The following MRAP2 variants were observed in gnomAD, a reference collection of about 807,000 sequenced individuals.
The protein encoded by MRAP2 is melanocortin 2 receptor accessory protein 2, also known as melanocortin-2 receptor accessory protein 2.
In MRAP2, 20 loss-of-function variants were observed where a neutral mutation model predicts 17.4. The ratio of observed to expected loss-of-function variants is 1.15; its 90% confidence interval spans 0.81 to 1.67. MRAP2 has a LOEUF of 1.67. MRAP2 is among the 40% of genes most tolerant of loss of function. The probability of loss-of-function intolerance (pLI) is 0.00; values close to 1 mark genes in which losing one functional copy is unlikely to be tolerated. For missense variants in MRAP2, 238 were observed against 240.0 expected (o/e 0.99, Z 0.05); for synonymous variants, 96 against 88.4 (o/e 1.09, Z -0.48).
At chr6:84,067,345 T>G (rs1244273810) in intron 3 of MRAP2, among the ~76,000 whole-genome samples, 1 of 152,238 alleles carries the variant, frequency 6.6e-6, no homozygotes, top group African/African-American at 2.4e-5. Context: ...TAAGCATGTG[T>G]CTGCAAGTAT....
chr6:84,076,286 C>T (rs1254697611), intron 3 of MRAP2, among the ~76,000 whole-genome samples: 1 of 151,172 alleles, frequency 6.6e-6, no homozygotes, highest in Admixed American at 6.6e-5. Context: ...TGCAGTGGCA[C>T]GATCTTAGCT....
At chr6:84,065,883 A>T (rs1339855470) in intron 3 of MRAP2, among the ~76,000 whole-genome samples, 1 of 152,118 alleles carries the variant, frequency 6.6e-6, no homozygotes, top group African/African-American at 2.4e-5. Flanking sequence ...GCCAAAAGGG[A>T]TTCTACCAGG....
the MRAP2 span, among the ~76,000 whole-genome samples, chr6:84,117,018 TTC>T: frequency 2.6e-5 from 4 of 151,782 alleles, no homozygotes; most frequent in Non-Finnish European, 4.4e-5. Flanking sequence ...TTTTTTCTTC[TTC>T]TTTCTTTCTA....
downstream of MRAP2, among the ~76,000 whole-genome samples, chr6:84,093,487 C>T (rs2099502139): frequency 6.6e-6 from 1 of 152,058 alleles, no homozygotes; most frequent in Non-Finnish European, 1.5e-5. Context: ...TTGTAATCTT[C>T]CAGGATGGAA....
the MRAP2 span, among the ~76,000 whole-genome samples, chr6:84,120,558 T>G: frequency 6.6e-6 from 1 of 152,220 alleles, no homozygotes; most frequent in African/African-American, 2.4e-5. Context: ...TTTAGAGTAC[T>G]TATGGATCTT....
At chr6:84,108,440 T>G in the MRAP2 span, among the ~76,000 whole-genome samples, 18 of 145,006 alleles carry the variant, frequency 1.2e-4, no homozygotes, top group Non-Finnish European at 2.4e-4. Context: ...TGATGTTGAG[T>G]TTTTTTTTTT....
chr6:84,102,805 T>TAA, the MRAP2 span, among the ~76,000 whole-genome samples: 308 of 148,122 alleles, frequency 2.1e-3, no homozygotes, highest in African/African-American at 7.4e-3. Context: ...GTTTACAACT[T>TAA]AAAAAAAAAA....
At position 84,055,307 on chromosome 6, in the gene MRAP2, T is replaced by G. The variant is rs746711658; in HGVS notation, c.-7-5T>G. The G allele has an allele frequency of 6.2e-7, 1 of 1,604,698 alleles. No homozygotes were observed. On this transcript the variant is annotated splice_region_variant and splice_polypyrimidine_tract_variant and intron_variant, in intron 1 of 3. Transcript: ENST00000257776. ...TTCTGCGCTTGACTTTCTCCATTTGTGCAGGTCGGAGATGTCCGCCCAGAG... is the reference window on the plus strand; with the variant it reads ...TTCTGCGCTTGACTTTCTCCATTTGGGCAGGTCGGAGATGTCCGCCCAGAG...
intron 2 of MRAP2, among the ~76,000 whole-genome samples, chr6:84,057,838 G>A (rs151035025): frequency 3.9e-5 from 6 of 152,282 alleles, no homozygotes; most frequent in East Asian, 1.9e-4. Flanking sequence ...GTGTGGAGGC[G>A]ACAGTATAGA....
At chr6:84,122,034 AT>A in the MRAP2 span, among the ~76,000 whole-genome samples, 1 of 152,170 alleles carries the variant, frequency 6.6e-6, no homozygotes, top group Non-Finnish European at 1.5e-5. Context: ...TGACAGCTAG[AT>A]TAACCAATAA....
intron 3 of MRAP2, among the ~76,000 whole-genome samples, chr6:84,084,991 A>G (rs2129175315): frequency 6.7e-6 from 1 of 148,496 alleles, no homozygotes; most frequent in Non-Finnish European, 1.5e-5. Flanking sequence ...GTACATGTGC[A>G]CAACCTGCAG....
chr6:84,073,706 C>A (rs1202538501), intron 3 of MRAP2, among the ~76,000 whole-genome samples: 1 of 152,178 alleles, frequency 6.6e-6, no homozygotes, highest in African/African-American at 2.4e-5. Context: ...AGACTTTGGC[C>A]TGGATTCTTA....
chr6:84,128,064 G>C, the MRAP2 span, among the ~76,000 whole-genome samples: 1 of 152,200 alleles, frequency 6.6e-6, no homozygotes, highest in Non-Finnish European at 1.5e-5. Context: ...TAAGAGCAAA[G>C]ATTTTTGTCT....
chr6:84,096,528 G>A, the MRAP2 span, among the ~76,000 whole-genome samples: 8 of 152,078 alleles, frequency 5.3e-5, no homozygotes, highest in African/African-American at 1.9e-4. Context: ...AAATGTATGC[G>A]AATGACTTGC....
the MRAP2 span, among the ~76,000 whole-genome samples, chr6:84,106,172 A>C: frequency 6.6e-6 from 1 of 152,210 alleles, no homozygotes; most frequent in African/African-American, 2.4e-5. Flanking sequence ...TGGTAAGACC[A>C]GTGAATTCCA....
At chr6:84,042,259 T>C (rs1289147914) in intron 1 of MRAP2, among the ~76,000 whole-genome samples, 1 of 152,212 alleles carries the variant, frequency 6.6e-6, no homozygotes, top group African/African-American at 2.4e-5. Flanking sequence ...CTTAGCCATA[T>C]TGAACTGTGA....
the MRAP2 span, among the ~76,000 whole-genome samples, chr6:84,129,430 T>C: frequency 0.044 from 6,678 of 152,304 alleles, 476 homozygotes; most frequent in African/African-American, 0.15. Context: ...TGCATTTCTC[T>C]AATGACCAGC....
At chr6:84,097,366 T>C in the MRAP2 span, among the ~76,000 whole-genome samples, 2 of 152,224 alleles carry the variant, frequency 1.3e-5, no homozygotes, top group African/African-American at 4.8e-5. Flanking sequence ...GTTTCCTCTT[T>C]ATTTTTGTCA....
At chr6:84,137,201 G>C in the MRAP2 span, among the ~76,000 whole-genome samples, 2 of 152,202 alleles carry the variant, frequency 1.3e-5, no homozygotes, top group Non-Finnish European at 2.9e-5. Flanking sequence ...TTGCATTGAA[G>C]AGAAATGCGT....
Sources: gnomAD v4.1 joint callset for allele counts (sites outside exome capture counted in the v4.1 genomes callset) on GRCh38, gnomAD v4.1.1 for gene constraint, MANE v1.5 for transcripts, NCBI Gene and HGNC (gene_info 2026-07-23, HGNC 2026-07-21) for gene names.